The following CNTNAP2 variants were observed in gnomAD, a reference collection of about 807,000 sequenced individuals.
CNTNAP2 encodes contactin-associated protein-like 2.
Under a neutral mutation model 155.2 loss-of-function variants are expected in CNTNAP2, and 98 were observed. That is an observed-to-expected ratio of 0.63 (90% confidence interval 0.54 to 0.75). The LOEUF (loss-of-function observed/expected upper bound fraction) is 0.75, where lower values mean the gene tolerates loss of function less well. Ranked by LOEUF, CNTNAP2 falls within the 30% of genes least tolerant of loss-of-function variation. The probability of loss-of-function intolerance (pLI) is 0.00; values close to 1 mark genes in which losing one functional copy is unlikely to be tolerated. For synonymous variants in CNTNAP2, 651 were observed against 631.2 expected, an observed-to-expected ratio of 1.03 and a Z score of -0.47; for missense variants, 1,727 against 1,688.1, an observed-to-expected ratio of 1.02 and a Z score of -0.40.
intron 1 of CNTNAP2, among the ~76,000 whole-genome samples, chr7:146,607,900 T>G (rs1799073951): frequency 6.6e-6 from 1 of 152,194 alleles, no homozygotes; most frequent in Non-Finnish European, 1.5e-5. Flanking sequence ...CTCTTAATAT[T>G]CTCCTTCAAG....
At chr7:147,911,068 T>C (rs1338062228) in intron 14 of CNTNAP2, among the ~76,000 whole-genome samples, 1 of 152,200 alleles carries the variant, frequency 6.6e-6, no homozygotes, top group Non-Finnish European at 1.5e-5. Flanking sequence ...CAGAGCCGTT[T>C]TTATCTAGCA....
intron 11 of CNTNAP2, among the ~76,000 whole-genome samples, chr7:147,541,962 G>A (rs1799648086): frequency 6.6e-6 from 1 of 152,190 alleles, no homozygotes; most frequent in Non-Finnish European, 1.5e-5. Flanking sequence ...ATGAGAGCCA[G>A]TGGCACATCA....
At chr7:147,921,569 T>C (rs905424390) in intron 14 of CNTNAP2, among the ~76,000 whole-genome samples, 3 of 152,208 alleles carry the variant, frequency 2.0e-5, no homozygotes, top group Admixed American at 6.5e-5. Context: ...GTTCCTGTTA[T>C]GCACAAGGTA....
chr7:148,276,918 C>T (rs566222500), intron 21 of CNTNAP2, among the ~76,000 whole-genome samples: 24 of 152,164 alleles, frequency 1.6e-4, no homozygotes, highest in Non-Finnish European at 3.2e-4. Flanking sequence ...CTGATGATGT[C>T]GTATTCCTTC....
In CNTNAP2 at chr7:146,357,232, CAAA is replaced by C. The variant is rs71525940; in HGVS notation, c.97+240276_97+240278del. 1.8e-3 allele frequency among the ~76,000 whole-genome samples: 182 copies of C among 98,490 alleles called. 1 individual carries two copies. Among genetic ancestry groups the C allele is most frequent in the African/African-American group, 6.2e-3 (169 of 27,348 alleles). The allele number at this position is 98,490 out of a possible 152,430, so 64.6% of individuals were successfully genotyped here. On this transcript the variant is annotated intron_variant, in intron 1 of 23. Transcript: ENST00000361727. The stretch of plus-strand genomic sequence containing the variant: ...GGCCCTGTGACAACATACAGTGCTC[CAAA>C]AAAAAAAAAAAAAAAAGAGGTCGAA...
chr7:147,620,081 G>A (rs946269936), intron 12 of CNTNAP2, among the ~76,000 whole-genome samples: 5 of 152,222 alleles, frequency 3.3e-5, no homozygotes, highest in Non-Finnish European at 4.4e-5. Flanking sequence ...AGGCCATCAA[G>A]GTAGTATGTC....
intron 3 of CNTNAP2, among the ~76,000 whole-genome samples, chr7:146,936,878 T>C (rs914966801): frequency 6.6e-5 from 10 of 152,178 alleles, no homozygotes; most frequent in African/African-American, 2.4e-4. Flanking sequence ...CTAGAGTCTC[T>C]GTGAACCTGC....
At chr7:146,406,073 A>G (rs569075994) in intron 1 of CNTNAP2, among the ~76,000 whole-genome samples, 29 of 152,336 alleles carry the variant, frequency 1.9e-4, no homozygotes, top group African/African-American at 7.0e-4. Context: ...TGACAGCACT[A>G]ATTGTCAAAG....
chr7:146,748,925 A>G (rs1801857364), intron 1 of CNTNAP2, among the ~76,000 whole-genome samples: 1 of 152,194 alleles, frequency 6.6e-6, no homozygotes, highest in Non-Finnish European at 1.5e-5. Context: ...TCTGCAATTC[A>G]ACCATTTGAC....
chr7:147,149,468 CA>C (rs1238033108), intron 8 of CNTNAP2, among the ~76,000 whole-genome samples: 3 of 151,890 alleles, frequency 2.0e-5, no homozygotes, highest in Non-Finnish European at 4.4e-5. Context: ...TCAATGAATA[CA>C]AAAAAGGGCA....
chr7:147,929,904 GCA>G (rs1800466766), intron 14 of CNTNAP2, among the ~76,000 whole-genome samples: 2 of 152,168 alleles, frequency 1.3e-5, no homozygotes, highest in African/African-American at 4.8e-5. Context: ...CTCATAAGGA[GCA>G]CACAACCTAG....
intron 1 of CNTNAP2, among the ~76,000 whole-genome samples, chr7:146,271,245 T>C (rs539493537): frequency 6.6e-6 from 1 of 152,138 alleles, no homozygotes; most frequent in Non-Finnish European, 1.5e-5. Context: ...AACCAAGAAA[T>C]TTATGTATAC....
rs1180594467 is a variant in CNTNAP2, at chr7:147,847,349, A to T, written c.2099-56216A>T. ...CTTCTCGCTTCATTTCATTCATTTC[A>T]TCTTCCATCACTGATACCCTTTCTT... On this transcript the variant is annotated intron_variant, in intron 13 of 23. Transcript: ENST00000361727. 4.0e-5 allele frequency among the ~76,000 whole-genome samples: 5 copies of T among 124,412 alleles called. No individual in the cohort carries two copies. In the East Asian group the frequency reaches 9.6e-4, roughly 24 times the overall value. The allele number at this position is 124,412 out of a possible 152,430, so 81.6% of individuals were successfully genotyped here.
intron 1 of CNTNAP2, among the ~76,000 whole-genome samples, chr7:146,262,575 C>T (rs1799936518): frequency 6.6e-6 from 1 of 152,114 alleles, no homozygotes; most frequent in Admixed American, 6.5e-5. Flanking sequence ...CAACCAACTA[C>T]CAAGCAAGAA....
chr7:147,279,702 T>TG (rs1036360547), intron 8 of CNTNAP2, among the ~76,000 whole-genome samples: 1 of 151,864 alleles, frequency 6.6e-6, no homozygotes, highest in Non-Finnish European at 1.5e-5. Context: ...CACCAGGCAT[T>TG]GTTAGAATTC....
chr7:146,947,681 T>A (rs10228387), intron 3 of CNTNAP2, among the ~76,000 whole-genome samples: 1 of 147,912 alleles, frequency 6.8e-6, no homozygotes, highest in African/African-American at 2.5e-5. Context: ...TGAGGCAGGA[T>A]GATTGCTTGA....
At chr7:146,883,054 T>C (rs1222917322) in intron 3 of CNTNAP2, among the ~76,000 whole-genome samples, 3 of 152,198 alleles carry the variant, frequency 2.0e-5, no homozygotes, top group Non-Finnish European at 4.4e-5. Flanking sequence ...TTTTGCAGAA[T>C]AGGTTATGTA....
intron 1 of CNTNAP2, among the ~76,000 whole-genome samples, chr7:146,347,138 TAAA>T (rs59530824): frequency 0.084 from 7,881 of 93,732 alleles, 583 homozygotes; most frequent in African/African-American, 0.22. Flanking sequence ...CCATACTCTG[TAAA>T]AAAAAAAAAA....
chr7:146,531,879 A>C (rs1797775688), intron 1 of CNTNAP2, among the ~76,000 whole-genome samples: 1 of 152,066 alleles, frequency 6.6e-6, no homozygotes, highest in Admixed American at 6.6e-5. Flanking sequence ...CTTCTTGAGC[A>C]CATGGGGGAA....
Sources: gnomAD v4.1 joint callset for allele counts (sites outside exome capture counted in the v4.1 genomes callset) on GRCh38, gnomAD v4.1.1 for gene constraint, MANE v1.5 for transcripts, NCBI Gene and HGNC (gene_info 2026-07-23, HGNC 2026-07-21) for gene names.